The following SAMMSON variants were observed in gnomAD, a reference collection of about 807,000 sequenced individuals.
The protein encoded by SAMMSON is survival associated mitochondrial melanoma specific oncogenic non-coding RNA, also known as long intergenic non-protein coding RNA 1212.
rs551195456 is a variant in SAMMSON at position 70,230,278 on chromosome 3, A to G, written n.508-18829A>G. Reference sequence around the variant, plus strand: ...AACATAGTTTAACACCACCCAATGCAGTTCCCTTCATTCTGTAGACAAACA... The same window carrying G: ...AACATAGTTTAACACCACCCAATGCGGTTCCCTTCATTCTGTAGACAAACA... On this transcript the variant is annotated intron_variant and non_coding_transcript_variant, in intron 4 of 9. Transcript: ENST00000642114. Among the ~76,000 whole-genome samples the G allele has an allele frequency of 5.3e-5, 8 of 152,332 alleles. No homozygotes were observed. In the South Asian group the frequency reaches 1.7e-3, roughly 32 times the overall value.
At chr3:70,333,906 T>C (rs189108442) in intron 7 of SAMMSON, among the ~76,000 whole-genome samples, 77 of 152,332 alleles carry the variant, frequency 5.1e-4, no homozygotes, top group Non-Finnish European at 4.4e-5. Context: ...ATTTCTTACA[T>C]ATTGGTTGAC....
intron 4 of SAMMSON, among the ~76,000 whole-genome samples, chr3:70,218,077 T>G (rs1419686025): frequency 2.0e-5 from 3 of 152,130 alleles, no homozygotes; most frequent in Admixed American, 6.5e-5. Flanking sequence ...CCCAATGAAC[T>G]ATGGAATCTA....
At chr3:70,273,117 A>G (rs996253973) in intron 6 of SAMMSON, among the ~76,000 whole-genome samples, 7 of 152,204 alleles carry the variant, frequency 4.6e-5, no homozygotes, top group Non-Finnish European at 8.8e-5. Context: ...CGTTACAAGG[A>G]AGATGAATAC....
intron 2 of SAMMSON, among the ~76,000 whole-genome samples, chr3:70,426,463 A>T (rs1263462922): frequency 6.6e-6 from 1 of 152,232 alleles, no homozygotes; most frequent in Non-Finnish European, 1.5e-5. Flanking sequence ...ACTTCAAAGT[A>T]TGCAAGGATT....
intron 7 of SAMMSON, among the ~76,000 whole-genome samples, chr3:70,308,915 G>T (rs1288599951): frequency 1.3e-5 from 2 of 152,120 alleles, no homozygotes; most frequent in Non-Finnish European, 2.9e-5. Flanking sequence ...GCCGAATAAG[G>T]CATTGCTGTG....
At chr3:70,120,184 G>A (rs2067427179) in intron 4 of SAMMSON, 1 of 152,192 alleles carries the variant, frequency 6.6e-6, no homozygotes, top group South Asian at 2.1e-4. Flanking sequence ...AGTTCAAAGA[G>A]GTAAGAGATT....
chr3:70,386,153 A>T (rs977053694), intron 9 of SAMMSON, among the ~76,000 whole-genome samples: 1 of 152,092 alleles, frequency 6.6e-6, no homozygotes, highest in Non-Finnish European at 1.5e-5. Context: ...ATGAGTGAAA[A>T]TCGCAGCCTT....
chr3:70,177,161 A>G (rs774304893), intron 4 of SAMMSON, among the ~76,000 whole-genome samples: 2 of 152,220 alleles, frequency 1.3e-5, no homozygotes, highest in Non-Finnish European at 2.9e-5. Context: ...ATATGGAAAG[A>G]AAGTATGTGT....
chr3:70,367,330 T>G (rs1386925799), intron 9 of SAMMSON, among the ~76,000 whole-genome samples: 1 of 151,634 alleles, frequency 6.6e-6, no homozygotes, highest in Non-Finnish European at 1.5e-5. Context: ...TCCCCCATCT[T>G]TCCTAGCCTC....
chr3:70,011,117 C>G (rs1055517278), intron 1 of SAMMSON, among the ~76,000 whole-genome samples: 1 of 152,032 alleles, frequency 6.6e-6, no homozygotes, highest in Non-Finnish European at 1.5e-5. Flanking sequence ...TTTTTATACC[C>G]TTTTATTTTT....
At chr3:70,055,891 A>G (rs1318610795) in intron 3 of SAMMSON, among the ~76,000 whole-genome samples, 1 of 151,940 alleles carries the variant, frequency 6.6e-6, no homozygotes, top group Admixed American at 6.6e-5. Context: ...GCCAATACCT[A>G]CCTCATAAAT....
chr3:70,318,966 TCTC>T (rs1164456009), intron 7 of SAMMSON, among the ~76,000 whole-genome samples: 1 of 152,050 alleles, frequency 6.6e-6, no homozygotes, highest in Non-Finnish European at 1.5e-5. Flanking sequence ...TAAGGAAATA[TCTC>T]CTCTTTGGTT....
At chr3:70,341,839 T>TA (rs34933759) in intron 7 of SAMMSON, among the ~76,000 whole-genome samples, 93,336 of 150,960 alleles carry the variant, frequency 0.62, 29,167 homozygotes, top group Admixed American at 0.67. Context: ...GGCACTCCAA[T>TA]AAAAAAAAAC....
chr3:70,287,043 C>G (rs1408632030), intron 6 of SAMMSON, among the ~76,000 whole-genome samples: 1 of 146,624 alleles, frequency 6.8e-6, no homozygotes, highest in Non-Finnish European at 1.5e-5. Context: ...ATTGAATACC[C>G]TTTATTTCCT....
chr3:70,398,290 G>A (rs2106761232), intron 2 of SAMMSON, among the ~76,000 whole-genome samples: 1 of 152,218 alleles, frequency 6.6e-6, no homozygotes, highest in South Asian at 2.1e-4. Flanking sequence ...GAATGAATAA[G>A]GTTTCCTGTA....
At chr3:70,397,467 TTAATTTTG>T (rs1260703039) in intron 2 of SAMMSON, among the ~76,000 whole-genome samples, 9 of 152,206 alleles carry the variant, frequency 5.9e-5, no homozygotes, top group African/African-American at 1.7e-4. Context: ...CTATGCCTGG[TTAATTTTG>T]TAATATTCTG....
intron 3 of SAMMSON, among the ~76,000 whole-genome samples, chr3:70,019,211 G>T (rs1416689790): frequency 1.3e-5 from 2 of 152,160 alleles, no homozygotes; most frequent in Non-Finnish European, 2.9e-5. Flanking sequence ...TATTGTGTGG[G>T]AGTCTAAGTC....
At chr3:70,062,355 A>G (rs2107592256) in intron 3 of SAMMSON, among the ~76,000 whole-genome samples, 1 of 152,220 alleles carries the variant, frequency 6.6e-6, no homozygotes, top group African/African-American at 2.4e-5. Context: ...GAGAATGCAC[A>G]TTTTGTAGGT....
At chr3:70,308,048 T>A (rs1267153551) in intron 7 of SAMMSON, among the ~76,000 whole-genome samples, 1 of 152,036 alleles carries the variant, frequency 6.6e-6, no homozygotes, top group Non-Finnish European at 1.5e-5. Context: ...TCCTGCCTGG[T>A]GCATATATTT....
Sources: gnomAD v4.1 joint callset for allele counts (sites outside exome capture counted in the v4.1 genomes callset) on GRCh38, gnomAD v4.1.1 for gene constraint, MANE v1.5 for transcripts, NCBI Gene and HGNC (gene_info 2026-07-23, HGNC 2026-07-21) for gene names.